The following PARN variants were observed in gnomAD, a reference collection of about 807,000 sequenced individuals.
PARN encodes the protein poly(A)-specific ribonuclease, also known as poly(A)-specific ribonuclease PARN.
A neutral mutation model predicts 102.8 loss-of-function variants in PARN; 71 were observed. That is an observed-to-expected ratio of 0.69 (90% CI 0.57 to 0.84). The LOEUF (loss-of-function observed/expected upper bound fraction) is 0.84. Ranked by LOEUF, PARN falls within the 40% of genes least tolerant of loss-of-function variation. The pLI is 0.00. For missense variants in PARN, 782 were observed against 760.9 expected (o/e 1.03, Z -0.33); for synonymous variants, 261 against 252.9 (o/e 1.03, Z -0.30).
At position 14,606,379 on chromosome 16, in the gene PARN, C is replaced by G. The variant is rs1971182057; in HGVS notation, c.702+105G>C. ...ACCACTGCACTCCAGCCTGGGTAAT[C>G]AGAGAAAGACCCTGAGGGAAAAAAA... On this transcript the variant is annotated intron_variant, in intron 10 of 23. Transcript: ENST00000437198. 15 of 545,612 alleles carry G rather than the reference C, an allele frequency of 2.7e-5. No homozygotes were observed. In the East Asian group the frequency reaches 3.6e-4, roughly 13 times the overall value. 33.8% of individuals were successfully genotyped at this position (545,612 alleles called of 1,614,324 possible). A position where few individuals can be genotyped will look rare whatever the true frequency, so the allele number is the denominator to read the frequency against.
chr16:14,495,467 C>T (rs1350432098), intron 21 of PARN, among the ~76,000 whole-genome samples: 2 of 152,162 alleles, frequency 1.3e-5, no homozygotes, highest in African/African-American at 4.8e-5. Flanking sequence ...CAGAACAAGA[C>T]TCTGTCTCCA....
At chr16:14,583,372 T>A (rs996314496) in intron 16 of PARN, among the ~76,000 whole-genome samples, 3 of 152,232 alleles carry the variant, frequency 2.0e-5, no homozygotes, top group Admixed American at 1.3e-4. Context: ...ACTGTTTTTA[T>A]GTCAATACAA....
chr16:14,609,154 G>A lies in PARN; in HGVS notation c.555-31C>T, dbSNP rs527626271. 11 of 1,061,194 alleles carry A rather than the reference G, an allele frequency of 1.0e-5. No homozygotes were observed. In the East Asian group the frequency reaches 2.8e-4, roughly 27 times the overall value. 65.7% of individuals were successfully genotyped at this position (1,061,194 alleles called of 1,614,324 possible). On this transcript the variant is annotated intron_variant, in intron 7 of 23. Coordinates refer to ENST00000437198, the MANE Select transcript of PARN (RefSeq NM_002582.4). ...GAATAAGAATAGACCATAACCATCA[G>A]TACCTTTAAGGAATGAAGTCATCAA...
chr16:14,548,107 G>C (rs1386310515), intron 21 of PARN, among the ~76,000 whole-genome samples: 1 of 151,938 alleles, frequency 6.6e-6, no homozygotes, highest in African/African-American at 2.4e-5. Context: ...AATTAGCCGG[G>C]AGTGGAGGCA....
Position 14,617,596 on chromosome 16 carries a change from G to A in PARN, c.382C>T (p.Arg128Ter), listed in dbSNP as rs1318821563. ...AGGTTACCCATAATCTTACCATTTC[G>A]AAAAACTTTATTAAAATCAAATCCC... is the stretch of plus-strand genomic sequence containing the variant. ...SQGFDFNKVF[R>*]NGIPYLNQEE... Residue 128 changes from arginine (R) to a stop codon, truncating the protein, a stop_gained, in exon 6 of 24, where the codon CGA becomes TGA. Transcript: ENST00000437198. LOFTEE classifies it high-confidence loss of function. 25 of 1,547,816 alleles carry A rather than the reference G, an allele frequency of 1.6e-5. No homozygotes were observed. Among genetic ancestry groups the A allele is most frequent in the Non-Finnish European group, 2.1e-5 (24 of 1,119,966 alleles).
chr16:14,622,527 C>T (rs538843521), intron 5 of PARN, among the ~76,000 whole-genome samples: 8 of 152,294 alleles, frequency 5.3e-5, no homozygotes, highest in East Asian at 1.9e-4. Context: ...ATATTTGAGA[C>T]GGAGTCTCGC....
At chr16:14,451,837 C>A (rs1234922571) in intron 22 of PARN, among the ~76,000 whole-genome samples, 3 of 107,178 alleles carry the variant, frequency 2.8e-5, no homozygotes, top group African/African-American at 1.1e-4. Flanking sequence ...GGAGAAACCC[C>A]GTCTCTAAAA....
At position 14,475,311 on chromosome 16, in the gene PARN, G is replaced by A. The variant is rs139479661; in HGVS notation, c.1670+7327C>T. 8.6e-3 allele frequency among the ~76,000 whole-genome samples: 1,315 copies of A among 152,326 alleles called. 61 individuals are homozygous for A. Among genetic ancestry groups the A allele is most frequent in the Admixed American group, 0.078 (1,191 of 15,292 alleles). ...TCTTTCAGGAAAGTTGCGAGTGTTG[G>A]TGTTGGCTTATGGGGACTGAGTACC... On this transcript the variant is annotated intron_variant, in intron 22 of 23. Transcript: ENST00000437198.
intron 6 of PARN, 136 bp downstream of exon 6, chr16:14,617,454 C>G (rs1302056540): frequency 1.6e-6 from 1 of 618,922 alleles, no homozygotes; most frequent in Non-Finnish European, 2.9e-6. Flanking sequence ...TGTGTACTGG[C>G]TGCACATGTA....
chr16:14,613,914 G>GC (rs367714002), intron 6 of PARN, among the ~76,000 whole-genome samples: 31 of 152,230 alleles, frequency 2.0e-4, no homozygotes, highest in African/African-American at 7.2e-4. Flanking sequence ...AGGTACCAGA[G>GC]CAAGTGAATC....
intron 22 of PARN, among the ~76,000 whole-genome samples, chr16:14,459,969 C>A (rs1180020759): frequency 6.6e-6 from 1 of 151,922 alleles, no homozygotes; most frequent in Non-Finnish European, 1.5e-5. Flanking sequence ...GCCTCATAAC[C>A]GTATATAAAA....
chr16:14,524,376 C>A (rs1016494050), intron 21 of PARN, among the ~76,000 whole-genome samples: 1 of 152,140 alleles, frequency 6.6e-6, no homozygotes, highest in Non-Finnish European at 1.5e-5. Context: ...ACCTTCCTGT[C>A]CAAACATGAA....
intron 22 of PARN, among the ~76,000 whole-genome samples, chr16:14,459,389 G>T (rs1961844573): frequency 6.6e-6 from 1 of 152,174 alleles, no homozygotes; most frequent in South Asian, 2.1e-4. Flanking sequence ...TAAATGACTG[G>T]AAGTGGAACT....
chr16:14,604,318 T>A (rs879882392), intron 10 of PARN, 92 bp from the exon 11 acceptor site: 17 of 760,468 alleles, frequency 2.2e-5, no homozygotes, highest in Non-Finnish European at 3.7e-5. Flanking sequence ...TGGAGTGCAA[T>A]TGCATGATCT....
intron 21 of PARN, among the ~76,000 whole-genome samples, chr16:14,532,695 C>A (rs968283809): frequency 2.0e-5 from 3 of 151,542 alleles, no homozygotes; most frequent in Non-Finnish European, 2.9e-5. Context: ...ACCTCCCAGA[C>A]GGGGGGGCGA....
chr16:14,476,199 A>G (rs1206783465), intron 22 of PARN, among the ~76,000 whole-genome samples: 1 of 152,210 alleles, frequency 6.6e-6, no homozygotes, highest in African/African-American at 2.4e-5. Flanking sequence ...AAAAAGGAAA[A>G]AGAAGTCAAA....
At chr16:14,630,021 G>T (rs7500902) in intron 1 of PARN, 86 bp downstream of exon 1, 1 of 1,272,670 alleles carries the variant, frequency 7.9e-7, no homozygotes, top group Non-Finnish European at 1.1e-6. Context: ...CCCAGGCCCA[G>T]CCAAACACGC....
chr16:14,447,945 T>A (rs928974260), intron 22 of PARN, among the ~76,000 whole-genome samples: 2 of 103,400 alleles, frequency 1.9e-5, no homozygotes, highest in Non-Finnish European at 4.1e-5. Flanking sequence ...ATTTTATCTA[T>A]CTATCTATCT....
At chr16:14,510,031 T>C (rs967828171) in intron 21 of PARN, among the ~76,000 whole-genome samples, 3 of 152,062 alleles carry the variant, frequency 2.0e-5, no homozygotes, top group East Asian at 1.9e-4. Context: ...AACAGAACAA[T>C]GGCAAAAACA....
Sources: gnomAD v4.1 joint callset for allele counts (sites outside exome capture counted in the v4.1 genomes callset) on GRCh38, gnomAD v4.1.1 for gene constraint, MANE v1.5 for transcripts, NCBI Gene and HGNC (gene_info 2026-07-23, HGNC 2026-07-21) for gene names.